TAOK3: variants seen among roughly 807,000 people sequenced by gnomAD.
The protein encoded by TAOK3 is serine/threonine-protein kinase TAO3.
Under a neutral mutation model 120.4 loss-of-function variants are expected in TAOK3, and 40 were observed. The observed-to-expected ratio is 0.33, with a 90% CI of 0.26 to 0.43. The LOEUF (loss-of-function observed/expected upper bound fraction) is 0.43, where lower values mean the gene tolerates loss of function less well. Ranked by LOEUF, TAOK3 falls within the 20% of genes least tolerant of loss-of-function variation. The pLI is 1.00. For missense variants in TAOK3, 821 were observed against 1,112.1 expected, an observed-to-expected ratio of 0.74 and a Z score of 3.72; for synonymous variants, 355 against 387.5, an observed-to-expected ratio of 0.92 and a Z score of 0.99.
intron 1 of TAOK3, among the ~76,000 whole-genome samples, chr12:118,275,933 T>C (rs2041886356): frequency 6.6e-6 from 1 of 152,022 alleles, no homozygotes; most frequent in Non-Finnish European, 1.5e-5. Flanking sequence ...GGCGAGGGAA[T>C]AGCAAGATTG....
chr12:118,168,516 G>T (rs1310096293), intron 17 of TAOK3, among the ~76,000 whole-genome samples: 6 of 152,090 alleles, frequency 3.9e-5, no homozygotes, highest in African/African-American at 1.2e-4. Context: ...CTGTTAAAAA[G>T]AACTTTCACT....
chr12:118,317,702 C>A lies in TAOK3; in HGVS notation c.-193-50943G>T, dbSNP rs115893478. Among the ~76,000 whole-genome samples the A allele has an allele frequency of 9.3e-3, 1,406 of 151,992 alleles. 26 individuals are homozygous for A. Among genetic ancestry groups the A allele is most frequent in the African/African-American group, 0.032 (1,317 of 41,436 alleles). On this transcript the variant is annotated intron_variant, in intron 1 of 20. Coordinates refer to ENST00000392533, the MANE Select transcript of TAOK3 (RefSeq NM_016281.4). The stretch of plus-strand genomic sequence containing the variant: ...ATATGACTCCAAACAATATACAGAT[C>A]CAATACAATTTGTATCAAAATCCCA...
intron 1 of TAOK3, among the ~76,000 whole-genome samples, chr12:118,301,727 A>AGGACTACAT (rs1346994994): frequency 6.6e-6 from 1 of 151,758 alleles, no homozygotes; most frequent in African/African-American, 2.4e-5. Context: ...ATGTAGTCCC[A>AGGACTACAT]GCTACTCAGG....
At chr12:118,323,923 A>T (rs1483664811) in intron 1 of TAOK3, among the ~76,000 whole-genome samples, 3 of 152,166 alleles carry the variant, frequency 2.0e-5, no homozygotes, top group Admixed American at 2.0e-4. Flanking sequence ...ACTGATACAA[A>T]TTAATAAAAG....
In TAOK3 at chr12:118,199,055, T is replaced by A; in HGVS notation, c.1190A>T (p.Lys397Met). ...TINSSSSVVH[K>M]KDHVFIRDEA... Reference sequence around the variant, plus strand: ...GGAGGGTACCAAGAAACCTACTTTCTTATGCACGACGGAGGAGCTGGAATT... The same window carrying A: ...GGAGGGTACCAAGAAACCTACTTTCATATGCACGACGGAGGAGCTGGAATT... The change falls in exon 13 of 21, where the codon AAG becomes ATG. Residue 397 changes from lysine to methionine, a missense_variant. Transcript: ENST00000392533. 6.2e-7 allele frequency: 1 copy of A among 1,614,174 alleles called. No homozygotes were observed. Among genetic ancestry groups the A allele is most frequent in the Non-Finnish European group, 8.5e-7 (1 of 1,180,032 alleles).
intron 1 of TAOK3, among the ~76,000 whole-genome samples, chr12:118,312,095 A>G (rs2043285476): frequency 6.6e-6 from 1 of 152,204 alleles, no homozygotes; most frequent in South Asian, 2.1e-4. Flanking sequence ...GAAAGATAAT[A>G]TATTCAAAAT....
At chr12:118,348,874 G>A (rs1240203962) in intron 1 of TAOK3, among the ~76,000 whole-genome samples, 1 of 148,128 alleles carries the variant, frequency 6.8e-6, no homozygotes, top group Non-Finnish European at 1.5e-5. Context: ...TTGAGAACGG[G>A]TCTCACTCTT....
intron 6 of TAOK3, 81 bp from the exon 7 acceptor site, chr12:118,238,250 G>T: frequency 1.3e-6 from 1 of 748,108 alleles, no homozygotes; most frequent in Non-Finnish European, 2.2e-6. Context: ...ATACCAGACT[G>T]GGTTACATAC....
chr12:118,273,795 G>A (rs1006463232), intron 1 of TAOK3, among the ~76,000 whole-genome samples: 1 of 152,196 alleles, frequency 6.6e-6, no homozygotes, highest in Non-Finnish European at 1.5e-5. Context: ...CAGCCTGGGC[G>A]ACAGAGCAAG....
At chr12:118,172,357 G>C (rs2036046115) in intron 17 of TAOK3, 100 bp downstream of exon 17, 2 of 1,299,868 alleles carry the variant, frequency 1.5e-6, no homozygotes, top group Non-Finnish European at 2.2e-6. Flanking sequence ...AGGCTAGAAA[G>C]GCTAGGGATA....
At chr12:118,343,144 G>A (rs890552833) in intron 1 of TAOK3, among the ~76,000 whole-genome samples, 1 of 151,592 alleles carries the variant, frequency 6.6e-6, no homozygotes, top group African/African-American at 2.4e-5. Context: ...ATAGAAATTC[G>A]TGGCCAGGTG....
At position 118,371,137 on chromosome 12, in the gene TAOK3, T is replaced by C. The variant is rs1411655481; in HGVS notation, c.-194+1511A>G. Among the ~76,000 whole-genome samples, 1 of 152,122 alleles carries C rather than the reference T, an allele frequency of 6.6e-6. No individual in the cohort carries two copies. The highest frequency in any genetic ancestry group is 1.5e-5 in the Non-Finnish European group (1 of 68,018). On this transcript the variant is annotated intron_variant, in intron 1 of 20. Coordinates refer to ENST00000392533, the MANE Select transcript of TAOK3 (RefSeq NM_016281.4). The surrounding 1 kb of genome is among the most constrained non-coding windows in gnomAD (Gnocchi z 5.5). Reference sequence around the variant, plus strand: ...GCCAAATCTAAAAAAGTTTCTTAGCTCCTTGAGCTAAAATGAAAAACCAGT... The same window carrying C: ...GCCAAATCTAAAAAAGTTTCTTAGCCCCTTGAGCTAAAATGAAAAACCAGT...
chr12:118,267,922 A>C (rs2041528337), intron 1 of TAOK3, among the ~76,000 whole-genome samples: 1 of 151,640 alleles, frequency 6.6e-6, no homozygotes, highest in Non-Finnish European at 1.5e-5. Context: ...AAAATCCATA[A>C]TCCTATCCAG....
At chr12:118,297,547 C>T (rs1398973386) in intron 1 of TAOK3, among the ~76,000 whole-genome samples, 1 of 152,136 alleles carries the variant, frequency 6.6e-6, no homozygotes, top group African/African-American at 2.4e-5. Flanking sequence ...TTGTAGTGAC[C>T]AGCACCAGAC....
chr12:118,205,682 C>T (rs1344419996), intron 11 of TAOK3, among the ~76,000 whole-genome samples: 1 of 152,164 alleles, frequency 6.6e-6, no homozygotes, highest in East Asian at 1.9e-4. Flanking sequence ...GCAATCTCAG[C>T]TCGCTGCAAA....
At position 118,152,427 on chromosome 12, in the gene TAOK3, A is replaced by G; in HGVS notation, c.2353-18T>C. On this transcript the variant is annotated intron_variant, in intron 19 of 20. Transcript: ENST00000392533. ...AGCCGTAACTGCGGACACAGAAGACACACACGGTCATGCACCCTTGCCTAC... is the reference window on the plus strand; with the variant it reads ...AGCCGTAACTGCGGACACAGAAGACGCACACGGTCATGCACCCTTGCCTAC... 6.2e-7 allele frequency: 1 copy of G among 1,601,264 alleles called. No individual in the cohort carries two copies. Among genetic ancestry groups the G allele is most frequent in the Non-Finnish European group, 8.5e-7 (1 of 1,175,120 alleles).
chr12:118,290,799 C>T (rs530113640), intron 1 of TAOK3, among the ~76,000 whole-genome samples: 3 of 151,970 alleles, frequency 2.0e-5, no homozygotes, highest in South Asian at 2.1e-4. Flanking sequence ...CTATTTATAT[C>T]GCCACTACTT....
chr12:118,371,943 CTGTCCCGGCCTCT>C lies in TAOK3; in HGVS notation c.-194+692_-194+704del, dbSNP rs1207467191. Among the ~76,000 whole-genome samples the C allele has an allele frequency of 6.6e-6, 1 of 150,610 alleles. No individual in the cohort carries two copies. The highest frequency in any genetic ancestry group is 6.6e-5 in the Admixed American group (1 of 15,184). ...CTCGGGGTCACCCTGCTCCCACCCG[CTGTCCCGGCCTCT>C]CTCTAGGTGTCCTGCTCTCAGCCCC... On this transcript the variant is annotated intron_variant, in intron 1 of 20. Coordinates refer to ENST00000392533, the MANE Select transcript of TAOK3 (RefSeq NM_016281.4). The surrounding 1 kb of genome is among the most constrained non-coding windows in gnomAD (Gnocchi z 5.5).
intron 17 of TAOK3, among the ~76,000 whole-genome samples, chr12:118,163,454 G>C (rs1449167846): frequency 6.7e-6 from 1 of 148,808 alleles, no homozygotes; most frequent in African/African-American, 2.5e-5. Context: ...TTTTTGGGGG[G>C]GGTGGGGGTA....
Sources: allele counts gnomAD v4.1 joint callset (sites outside exome capture counted in the v4.1 genomes callset), GRCh38; gene constraint gnomAD v4.1.1; non-coding constraint Gnocchi (gnomAD v3.1); transcripts MANE v1.5; gene names NCBI Gene and HGNC (gene_info 2026-07-23, HGNC 2026-07-21).